Variants in SIPA1L2 observed in about 807,000 individuals in gnomAD.
SIPA1L2 encodes signal-induced proliferation-associated 1-like protein 2.
In SIPA1L2, 56 loss-of-function variants were observed where a neutral mutation model predicts 163.9. That is an observed-to-expected ratio of 0.34 (90% CI 0.28 to 0.43). The LOEUF is 0.43. Ranked by LOEUF, SIPA1L2 falls within the 20% of genes least tolerant of loss-of-function variation. The probability of loss-of-function intolerance (pLI) is 1.00; values close to 1 mark genes in which losing one functional copy is unlikely to be tolerated. For synonymous variants in SIPA1L2, 877 were observed against 865.7 expected (o/e 1.01, Z -0.23); for missense variants, 1,974 against 2,193.5 (o/e 0.90, Z 2.00).
At chr1:232,599,009 C>T (rs1306476005) in intron 1 of SIPA1L2, among the ~76,000 whole-genome samples, 2 of 150,468 alleles carry the variant, frequency 1.3e-5, no homozygotes, top group Non-Finnish European at 3.0e-5. Context: ...ATTTTTTAGC[C>T]ACTGCATTTA....
At chr1:232,566,974 T>C (rs1252301495) in intron 2 of SIPA1L2, among the ~76,000 whole-genome samples, 3 of 152,220 alleles carry the variant, frequency 2.0e-5, no homozygotes, top group African/African-American at 7.2e-5. Context: ...GATGCTTCTT[T>C]TTGGTTTTTC....
chr1:232,445,629 C>T lies in SIPA1L2; in HGVS notation c.3253G>A (p.Gly1085Ser), dbSNP rs779649136. 68 of 1,613,732 alleles carry T rather than the reference C, an allele frequency of 4.2e-5. No homozygotes were observed. Among genetic ancestry groups the T allele is most frequent in the Non-Finnish European group, 5.7e-5 (67 of 1,179,956 alleles). The change falls in exon 11 of 23, where the codon GGC becomes AGC. Residue 1085 changes from glycine (G) to serine (S), a missense_variant. Physicochemically the swap from Gly to Ser is moderately conservative, Grantham distance 56 (BLOSUM62 0). Coordinates refer to ENST00000674635, the MANE Select transcript of SIPA1L2 (RefSeq NM_020808.5). ...TGGCACGGCAGCCGGTCGGGCGTGC[C>T]GGGGATGGGGGAAGCTCTAGAGAGG... Reference protein sequence around the residue: ...QPLSRASPIPGTPDRLPCQQL... With the variant: ...QPLSRASPIPSTPDRLPCQQL...
chr1:232,599,288 C>G (rs915313828), intron 1 of SIPA1L2, among the ~76,000 whole-genome samples: 2 of 152,206 alleles, frequency 1.3e-5, no homozygotes, highest in African/African-American at 4.8e-5. Context: ...AGGCCAATAA[C>G]AGCTTAATGA....
chr1:232,574,270 G>T (rs1253256497), intron 1 of SIPA1L2, among the ~76,000 whole-genome samples, 48 bp from the exon 2 acceptor site: 3 of 152,146 alleles, frequency 2.0e-5, no homozygotes, highest in Admixed American at 6.6e-5. Flanking sequence ...ACAACTCTTG[G>T]TCAGCAGTTT....
intron 15 of SIPA1L2, among the ~76,000 whole-genome samples, chr1:232,436,821 G>T (rs1662593605): frequency 6.6e-6 from 1 of 152,202 alleles, no homozygotes; most frequent in Non-Finnish European, 1.5e-5. Context: ...GTGTTAAAAA[G>T]ATTTCATTCA....
At chr1:232,450,978 G>A (rs917785111) in intron 10 of SIPA1L2, among the ~76,000 whole-genome samples, 3 of 152,146 alleles carry the variant, frequency 2.0e-5, no homozygotes, top group African/African-American at 7.2e-5. Flanking sequence ...AAAATACTAA[G>A]AACTGGCATT....
chr1:232,455,281 C>T (rs1398975864), intron 10 of SIPA1L2, among the ~76,000 whole-genome samples: 1 of 152,150 alleles, frequency 6.6e-6, no homozygotes, highest in Non-Finnish European at 1.5e-5. Flanking sequence ...AGTTGGAACT[C>T]GAATATAAAA....
chr1:232,445,856 CT>C (rs1663186458), intron 10 of SIPA1L2, 70 bp from the exon 11 acceptor site: 3 of 1,553,494 alleles, frequency 1.9e-6, no homozygotes, highest in Non-Finnish European at 2.6e-6. Context: ...TTACTCACAG[CT>C]GGGCCCCTCA....
At chr1:232,614,064 C>A (rs1662383906) in intron 1 of SIPA1L2, among the ~76,000 whole-genome samples, 1 of 152,196 alleles carries the variant, frequency 6.6e-6, no homozygotes, top group Non-Finnish European at 1.5e-5. Context: ...AACCTTCACC[C>A]TCCTGTAGAA....
chr1:232,455,333 C>T (rs1252242259), intron 10 of SIPA1L2, among the ~76,000 whole-genome samples: 2 of 152,134 alleles, frequency 1.3e-5, no homozygotes, highest in Non-Finnish European at 2.9e-5. Flanking sequence ...CACTGCAGCA[C>T]TATAACAACA....
chr1:232,571,766 C>G (rs531023089), intron 2 of SIPA1L2, among the ~76,000 whole-genome samples: 2 of 152,278 alleles, frequency 1.3e-5, no homozygotes, highest in Non-Finnish European at 2.9e-5. Flanking sequence ...GGACCTCCCC[C>G]TTCTGTCTGA....
intron 1 of SIPA1L2, among the ~76,000 whole-genome samples, chr1:232,610,346 T>A (rs1558303261): frequency 6.6e-6 from 1 of 152,178 alleles, no homozygotes; most frequent in Admixed American, 6.5e-5. Flanking sequence ...GGTTGAGACC[T>A]GGACTCACTT....
rs375851821 is a variant in SIPA1L2 at position 232,403,478 on chromosome 1, C to T, written c.4910G>A (p.Gly1637Asp). 1.1e-4 allele frequency: 174 copies of T among 1,613,940 alleles called. 1 individual carries two copies. The highest frequency in any genetic ancestry group is 1.4e-4 in the Non-Finnish European group (169 of 1,179,918). Residue 1637 changes from glycine (G) to aspartate (D), a missense_variant, in exon 21 of 23, where the codon GGC becomes GAC. Around this residue, in one of 3 missense-constraint regions of SIPA1L2, gnomAD observed 1,079 missense variants for 1,150.7 expected, o/e 0.94. Transcript: ENST00000674635. Reference protein sequence around the residue: ...AQELPLCVDPGSGKEFMDTTG... With the variant: ...AQELPLCVDPDSGKEFMDTTG... ...TGTGTCCATGAACTCTTTGCCACTG[C>T]CTGGATCTACACATAAGGGCAGCTC...
chr1:232,525,116 A>G (rs1008926905), intron 2 of SIPA1L2, among the ~76,000 whole-genome samples: 1 of 151,870 alleles, frequency 6.6e-6, no homozygotes, highest in Admixed American at 6.6e-5. Flanking sequence ...GGATATTAAC[A>G]TTGAATGAAC....
At chr1:232,581,592 TTGAC>T (rs1171483478) in intron 1 of SIPA1L2, among the ~76,000 whole-genome samples, 3 of 152,176 alleles carry the variant, frequency 2.0e-5, no homozygotes, top group Non-Finnish European at 4.4e-5. Context: ...TTGAGTTTCT[TTGAC>T]TGATAACCAA....
chr1:232,468,250 G>C (rs1324713093), intron 8 of SIPA1L2, among the ~76,000 whole-genome samples: 1 of 152,148 alleles, frequency 6.6e-6, no homozygotes, highest in South Asian at 2.1e-4. Context: ...CAAATAACTC[G>C]ATAGCATTTA....
At chr1:232,477,668 ATTTTTGC>A (rs1665115265) in intron 7 of SIPA1L2, among the ~76,000 whole-genome samples, 2 of 152,032 alleles carry the variant, frequency 1.3e-5, no homozygotes, top group Non-Finnish European at 2.9e-5. Flanking sequence ...TGCTGTCCTG[ATTTTTGC>A]GCATACAATT....
intron 6 of SIPA1L2, among the ~76,000 whole-genome samples, chr1:232,480,154 C>CGTGTGTGTGTGTGTGT (rs536840154): frequency 8.3e-5 from 11 of 132,826 alleles, no homozygotes; most frequent in African/African-American, 3.3e-4. Context: ...TGTGTGTGTG[C>CGTGTGTGTGTGTGTGT]GTGTGTGTGT....
At chr1:232,511,864 A>G (rs1361570651) in intron 3 of SIPA1L2, among the ~76,000 whole-genome samples, 1 of 152,254 alleles carries the variant, frequency 6.6e-6, no homozygotes, top group Non-Finnish European at 1.5e-5. Flanking sequence ...ACAGAAGCCA[A>G]AAATGACAAA....
Sources: gnomAD v4.1 joint callset for allele counts (sites outside exome capture counted in the v4.1 genomes callset) on GRCh38, gnomAD v4.1.1 for gene constraint, gnomAD v4.1.1 regional missense constraint, MANE v1.5 for transcripts, NCBI Gene and HGNC (gene_info 2026-07-23, HGNC 2026-07-21) for gene names.